KCNQ3: variants seen among roughly 807,000 people sequenced by gnomAD.
The protein encoded by KCNQ3 is potassium voltage-gated channel subfamily Q member 3, also known as potassium voltage-gated channel subfamily KQT member 3.
In KCNQ3, 30 loss-of-function variants were observed where a neutral mutation model predicts 92.5. That is an observed-to-expected ratio of 0.32 (90% CI 0.24 to 0.44). The LOEUF is 0.44. KCNQ3 is among the 20% of genes least tolerant of loss of function. KCNQ3 has a pLI of 1.00. For synonymous variants in KCNQ3, 450 were observed against 468.8 expected (o/e 0.96, Z 0.52); for missense variants, 913 against 1,140.3 (o/e 0.80, Z 2.87).
chr8:132,137,409 A>G (rs1825137735), intron 12 of KCNQ3, among the ~76,000 whole-genome samples: 1 of 152,206 alleles, frequency 6.6e-6, no homozygotes. Flanking sequence ...GGGAGTATAA[A>G]CACGCAGGTG....
At position 132,129,144 on chromosome 8, in the gene KCNQ3, C is replaced by A; in HGVS notation, c.*118G>T. The A allele has an allele frequency of 7.9e-7, 1 of 1,263,446 alleles. No individual in the cohort carries two copies. The highest frequency in any genetic ancestry group is 1.1e-6 in the Non-Finnish European group (1 of 897,554). The allele number at this position is 1,263,446 out of a possible 1,614,324, so 78.3% of individuals were successfully genotyped here. A position where few individuals can be genotyped will look rare whatever the true frequency, so the allele number is the denominator to read the frequency against. On this transcript the variant is annotated 3_prime_UTR_variant, in exon 15 of 15. Coordinates refer to ENST00000388996, the MANE Select transcript of KCNQ3 (RefSeq NM_004519.4). The surrounding 1 kb of genome is among the most constrained non-coding windows in gnomAD (Gnocchi z 5.9). ...CCCCTGCCTGGGTGGGGCCACCACG[C>A]ACACGCATGCATTTGATGCAGCCAT...
intron 1 of KCNQ3, among the ~76,000 whole-genome samples, chr8:132,465,996 C>T (rs1347714929): frequency 6.6e-6 from 1 of 152,104 alleles, no homozygotes; most frequent in African/African-American, 2.4e-5. Flanking sequence ...GTGAAAATTA[C>T]AAATATGTGA....
chr8:132,329,878 C>A (rs1168418805), intron 1 of KCNQ3, among the ~76,000 whole-genome samples: 3 of 152,172 alleles, frequency 2.0e-5, no homozygotes, highest in African/African-American at 7.2e-5. Flanking sequence ...AATTAGGCCC[C>A]CTGGAGTTGT....
In KCNQ3 at chr8:132,234,692, AGAC is replaced by A. The variant is rs547307749; in HGVS notation, c.387-48514_387-48512del. Among the ~76,000 whole-genome samples, 24 of 152,358 alleles carry A rather than the reference AGAC, an allele frequency of 1.6e-4. No individual in the cohort carries two copies. In the South Asian group the frequency reaches 5.0e-3, roughly 32 times the overall value. On this transcript the variant is annotated intron_variant, in intron 1 of 14. Transcript: ENST00000388996. ...TTTTCAGATTGAGAAACTAAGGCTC[AGAC>A]CAATTAAGTGATTTGACTCTGGTTA...
intron 1 of KCNQ3, among the ~76,000 whole-genome samples, chr8:132,284,617 G>T (rs1257988507): frequency 6.6e-6 from 1 of 152,156 alleles, no homozygotes; most frequent in Non-Finnish European, 1.5e-5. Flanking sequence ...TGCATATGGA[G>T]AATTTTCTAG....
At chr8:132,453,912 C>T (rs907878917) in intron 1 of KCNQ3, among the ~76,000 whole-genome samples, 5 of 152,160 alleles carry the variant, frequency 3.3e-5, no homozygotes, top group East Asian at 1.9e-4. Flanking sequence ...TTCAGGCTTC[C>T]GAGAGCAGCT....
intron 1 of KCNQ3, among the ~76,000 whole-genome samples, chr8:132,246,037 GAGA>G (rs994988395): frequency 1.3e-5 from 2 of 152,112 alleles, no homozygotes; most frequent in Non-Finnish European, 2.9e-5. Context: ...ACACAGAAAC[GAGA>G]AGGCTTTCCT....
intron 1 of KCNQ3, among the ~76,000 whole-genome samples, chr8:132,442,939 G>C (rs991113575): frequency 6.6e-6 from 1 of 152,022 alleles, no homozygotes; most frequent in Non-Finnish European, 1.5e-5. Context: ...CCCTCTCCCC[G>C]AATCTGTGCT....
chr8:132,448,595 C>T (rs1048729034), intron 1 of KCNQ3, among the ~76,000 whole-genome samples: 5 of 151,012 alleles, frequency 3.3e-5, no homozygotes, highest in African/African-American at 9.8e-5. Flanking sequence ...GTGAATTCTG[C>T]GTTTTGATTG....
At chr8:132,449,285 C>T (rs1204718365) in intron 1 of KCNQ3, among the ~76,000 whole-genome samples, 1 of 152,118 alleles carries the variant, frequency 6.6e-6, no homozygotes, top group Non-Finnish European at 1.5e-5. Context: ...GGCAGAGTCA[C>T]TCTTGCAAAA....
In KCNQ3 at chr8:132,257,936, G is replaced by A. The variant is rs532217286; in HGVS notation, c.387-71755C>T. Reference sequence around the variant, plus strand: ...TTACACCAAAGGGCATTTTATGATGGTAACAGTCAATCCATTAGAAAGGCA... The same window carrying A: ...TTACACCAAAGGGCATTTTATGATGATAACAGTCAATCCATTAGAAAGGCA... On this transcript the variant is annotated intron_variant, in intron 1 of 14. Transcript: ENST00000388996. 2.0e-5 allele frequency among the ~76,000 whole-genome samples: 3 copies of A among 152,184 alleles called. No homozygotes were observed. The South Asian group carries it at 6.2e-4, about 32-fold the overall frequency.
chr8:132,207,385 C>T (rs1017050873), intron 1 of KCNQ3, among the ~76,000 whole-genome samples: 5 of 152,172 alleles, frequency 3.3e-5, no homozygotes, highest in East Asian at 1.9e-4. Flanking sequence ...ATTTTAATAG[C>T]GAATAAAGCA....
At chr8:132,199,678 T>C (rs1563801308) in intron 1 of KCNQ3, among the ~76,000 whole-genome samples, 2 of 152,146 alleles carry the variant, frequency 1.3e-5, no homozygotes, top group South Asian at 2.1e-4. Flanking sequence ...GGGAAGCCTG[T>C]GTGAGTGGAT....
intron 1 of KCNQ3, among the ~76,000 whole-genome samples, chr8:132,245,566 C>A (rs1386492708): frequency 1.3e-5 from 2 of 151,998 alleles, no homozygotes; most frequent in Non-Finnish European, 2.9e-5. Flanking sequence ...TTTAACCACC[C>A]TTCTCCATGC....
At chr8:132,240,434 C>A (rs570233280) in intron 1 of KCNQ3, among the ~76,000 whole-genome samples, 20 of 152,322 alleles carry the variant, frequency 1.3e-4, no homozygotes, top group African/African-American at 4.8e-4. Context: ...GATCCACCTG[C>A]CTCAGTATCC....
chr8:132,336,438 A>G (rs1818369103), intron 1 of KCNQ3, among the ~76,000 whole-genome samples: 3 of 152,324 alleles, frequency 2.0e-5, no homozygotes, highest in Middle Eastern at 6.8e-3. Context: ...TGTAGAAAGT[A>G]CCTGCATGAT....
intron 1 of KCNQ3, among the ~76,000 whole-genome samples, chr8:132,470,013 T>C (rs2130865467): frequency 6.6e-6 from 1 of 152,252 alleles, no homozygotes; most frequent in African/African-American, 2.4e-5. Flanking sequence ...TTCCCTGCTC[T>C]CCTGAGGTTC....
intron 1 of KCNQ3, among the ~76,000 whole-genome samples, chr8:132,460,250 C>G (rs1822032182): frequency 6.6e-6 from 1 of 152,124 alleles, no homozygotes; most frequent in Non-Finnish European, 1.5e-5. Context: ...TTTCTAGGCT[C>G]AATGAGCTGA....
chr8:132,419,268 C>T (rs1820902852), intron 1 of KCNQ3, among the ~76,000 whole-genome samples: 1 of 152,186 alleles, frequency 6.6e-6, no homozygotes, highest in South Asian at 2.1e-4. Flanking sequence ...TCTCAATTTT[C>T]AGCTGTAAAA....
Sources: gnomAD v4.1 joint callset for allele counts (sites outside exome capture counted in the v4.1 genomes callset) on GRCh38, gnomAD v4.1.1 for gene constraint, Gnocchi (gnomAD v3.1) non-coding constraint, MANE v1.5 for transcripts, NCBI Gene and HGNC (gene_info 2026-07-23, HGNC 2026-07-21) for gene names.